The following KDM5C variants were observed in gnomAD, a reference collection of about 807,000 sequenced individuals.
KDM5C encodes the protein lysine demethylase 5C.
Under a neutral mutation model 110.6 loss-of-function variants are expected in KDM5C, and 16 were observed. The ratio of observed to expected loss-of-function variants is 0.14; its 90% CI spans 0.10 to 0.22. The LOEUF (loss-of-function observed/expected upper bound fraction) is 0.22. KDM5C is among the 10% of genes least tolerant of loss of function. The pLI, the probability that KDM5C is intolerant of heterozygous loss-of-function variation, is 1.00. For synonymous variants in KDM5C, 511 were observed against 520.4 expected (o/e 0.98, Z 0.24); for missense variants, 681 against 1,300.9 (o/e 0.52, Z 7.33).
chrX:53,188,398 C>T (rs1416787703), downstream of KDM5C, among the ~76,000 whole-genome samples: 1 of 105,129 alleles, frequency 9.5e-6, no homozygotes, highest in African/African-American at 3.5e-5. Flanking sequence ...TTTTTTGAGA[C>T]GGAGTTTGCA....
downstream of KDM5C, among the ~76,000 whole-genome samples, chrX:53,187,206 C>G (rs1294943269): frequency 9.0e-6 from 1 of 110,793 alleles, no homozygotes; most frequent in Non-Finnish European, 1.9e-5. Flanking sequence ...GCCAACAGAA[C>G]AGTAACCCAA....
intron 12 of KDM5C, among the ~76,000 whole-genome samples, chrX:53,206,373 A>G (rs1413602809): frequency 8.9e-6 from 1 of 111,836 alleles, no homozygotes; most frequent in Non-Finnish European, 1.9e-5. Flanking sequence ...GAAATGTTCT[A>G]CAACTGGATT....
rs1556840043 is a variant in KDM5C, at chrX:53,198,817, G to T, written c.2315C>A (p.Thr772Asn). Residue 772 changes from threonine to asparagine, a missense_variant, in exon 16 of 26, where the codon ACC becomes AAC. Thr to Asn is a moderately conservative substitution (Grantham distance 65). Transcript: ENST00000375401. ...GGCCACTCGCACTTTGTTGGCCCAGGTGTCAAAGGACTCAGCCCGAACCTT... is the reference window on the plus strand; with the variant it reads ...GGCCACTCGCACTTTGTTGGCCCAGTTGTCAAAGGACTCAGCCCGAACCTT... ...KLKVRAESFD[T>N]WANKVRVALE... is the part of the protein sequence containing the mutation. 24 of 1,212,170 alleles carry T rather than the reference G, an allele frequency of 2.0e-5. No individual in the cohort carries two copies. The highest frequency in any genetic ancestry group is 1.8e-4 in the South Asian group (10 of 57,035).
At chrX:53,221,547 C>T (rs2073897895) in intron 1 of KDM5C, 2 of 309,974 alleles carry the variant, frequency 6.5e-6, no homozygotes, top group Admixed American at 7.0e-5. Context: ...CCTCACAATA[C>T]ACATGCAGGG....
chrX:53,220,748 A>G (rs2073872464), intron 2 of KDM5C, 91 bp downstream of exon 2: 2 of 746,099 alleles, frequency 2.7e-6, no homozygotes, highest in African/African-American at 4.1e-5. Context: ...AGCTAGGTAA[A>G]GTACCTCAGC....
rs782760089 is a variant in KDM5C at position 53,201,532 on chromosome X, C to G, written c.2061+18G>C. 1.7e-6 allele frequency: 2 copies of G among 1,203,514 alleles called. No individual in the cohort carries two copies. Reference sequence around the variant, plus strand: ...CTTCCACCAGAATAGGGTGCTTGATCTGGGGTACTCTCCCCACCTTCTCCA... The same window carrying G: ...CTTCCACCAGAATAGGGTGCTTGATGTGGGGTACTCTCCCCACCTTCTCCA... On this transcript the variant is annotated intron_variant, in intron 14 of 25. Transcript: ENST00000375401.
chrX:53,178,511 G>T (rs1416040768), intron 25 of KDM5C, among the ~76,000 whole-genome samples: 2 of 111,817 alleles, frequency 1.8e-5, no homozygotes, highest in African/African-American at 6.5e-5. Context: ...TTTTTAAAAG[G>T]CAAGATCATG....
At position 53,196,130 on chromosome X, in the gene KDM5C, T is replaced by C. The variant is rs1230980522; in HGVS notation, c.2982-76A>G. 20 of 1,089,972 alleles carry C rather than the reference T, an allele frequency of 1.8e-5. No homozygotes were observed. The East Asian group carries it at 3.1e-4, about 17-fold the overall frequency. The allele number at this position is 1,089,972 out of a possible 1,213,427, so 89.8% of individuals were successfully genotyped here. A position where few individuals can be genotyped will look rare whatever the true frequency, so the allele number is the denominator to read the frequency against. ...AGAAGCCCAGCCTGACCACCAGATA[T>C]ATCTGCATGGGCCCCTTGGGTGTCT... On this transcript the variant is annotated intron_variant, in intron 19 of 25. Transcript: ENST00000375401.
intron 2 of KDM5C, among the ~76,000 whole-genome samples, chrX:53,219,464 A>G (rs938521086): frequency 2.7e-5 from 3 of 112,132 alleles, no homozygotes; most frequent in South Asian, 3.7e-4. Context: ...CCAGGACCCA[A>G]TGTGGGCCAA....
intron 8 of KDM5C, among the ~76,000 whole-genome samples, chrX:53,212,984 G>A (rs1307446706): frequency 4.5e-5 from 5 of 111,355 alleles, no homozygotes; most frequent in Non-Finnish European, 5.7e-5. Context: ...CTGGGTGACA[G>A]AGCAAGATTC....
chrX:53,214,616 C>T (rs2073687593), intron 8 of KDM5C, 73 bp downstream of exon 8: 12 of 1,100,183 alleles, frequency 1.1e-5, no homozygotes, highest in Non-Finnish European at 1.5e-5. Context: ...AGCTAAGAGG[C>T]TGCCCTCAAT....
intron 7 of KDM5C, chrX:53,215,274 G>A (rs1556851203): frequency 1.2e-5 from 4 of 333,460 alleles, no homozygotes; most frequent in Non-Finnish European, 2.3e-5. Context: ...CATTGAAAAG[G>A]TAACACCTGA....
chrX:53,197,677 G>C, intron 18 of KDM5C, 94 bp downstream of exon 18: 2 of 710,025 alleles, frequency 2.8e-6, no homozygotes, highest in Middle Eastern at 4.1e-4. Context: ...TGTCTTGCCT[G>C]AACACTTTAA....
At chrX:53,207,179 A>AAT (rs1556845921) in intron 12 of KDM5C, among the ~76,000 whole-genome samples, 1 of 9,136 alleles carries the variant, frequency 1.1e-4, no homozygotes. Context: ...CTCCTTCTCC[A>AAT]AAAAAAAAAA....
chrX:53,184,450 T>C (rs1248769155), intron 25 of KDM5C, among the ~76,000 whole-genome samples: 1 of 110,867 alleles, frequency 9.0e-6, no homozygotes, highest in Non-Finnish European at 1.9e-5. Context: ...CTATGTTGCC[T>C]AAGCTGGTCT....
At chrX:53,196,099 C>T (rs1934830937) in intron 19 of KDM5C, 45 bp from the exon 20 acceptor site, 1 of 1,199,479 alleles carries the variant, frequency 8.3e-7, no homozygotes, top group South Asian at 1.8e-5. Context: ...TGTGGTCTGC[C>T]TGACCAGAAG....
chrX:53,188,851 G>A (rs906822919), downstream of KDM5C, among the ~76,000 whole-genome samples: 1 of 111,472 alleles, frequency 9.0e-6, no homozygotes, highest in East Asian at 2.8e-4. Context: ...GCCACCCTAT[G>A]AAAGGGTGCA....
At position 53,193,472 on chromosome X, in the gene KDM5C, G is replaced by T; in HGVS notation, c.4282C>A (p.Pro1428Thr). 8.3e-7 allele frequency: 1 copy of T among 1,211,820 alleles called. No individual in the cohort carries two copies. Among genetic ancestry groups the T allele is most frequent in the African/African-American group, 1.7e-5 (1 of 57,790 alleles). The change falls in exon 25 of 26, where the codon CCC (proline) becomes ACC (threonine). Residue 1428 changes from proline to threonine, a missense_variant. Around this residue, in one of 14 missense-constraint regions of KDM5C, gnomAD observed 3 missense variants for 16.4 expected, o/e 0.18. Coordinates refer to ENST00000375401, the MANE Select transcript of KDM5C (RefSeq NM_004187.5). ...SIWQLLQAGQ[P>T]PDLERIRTLL... ...GTGCGGATCCTCTCCAGGTCTGGGGGCTGTCCAGCCTGCAGCAGCTGCCAT... is the reference window on the plus strand; with the variant it reads ...GTGCGGATCCTCTCCAGGTCTGGGGTCTGTCCAGCCTGCAGCAGCTGCCAT...
chrX:53,192,861 A>ACCCCCCCCCCCCCCCCCCCCC lies in KDM5C; in HGVS notation c.*105_*106insGGGGGGGGGGGGGGGGGGGGG. 8.0e-6 allele frequency: 4 copies of ACCCCCCCCCCCCCCCCCCCCC among 502,002 alleles called. No homozygotes were observed. Among genetic ancestry groups the ACCCCCCCCCCCCCCCCCCCCC allele is most frequent in the Non-Finnish European group, 1.2e-5 (4 of 347,650 alleles). The allele number at this position is 502,002 out of a possible 1,213,427, so 41.4% of individuals were successfully genotyped here. On this transcript the variant is annotated 3_prime_UTR_variant, in exon 26 of 26. Coordinates refer to ENST00000375401, the MANE Select transcript of KDM5C (RefSeq NM_004187.5). The stretch of plus-strand genomic sequence containing the variant: ...GGGTGGGCGGGTAGCAGGGATGGCC[A>ACCCCCCCCCCCCCCCCCCCCC]CCCCCCTACCCGCCCACCCCCCAAG...
Sources: gnomAD v4.1 joint callset for allele counts (sites outside exome capture counted in the v4.1 genomes callset) on GRCh38, gnomAD v4.1.1 for gene constraint, gnomAD v4.1.1 regional missense constraint, MANE v1.5 for transcripts, NCBI Gene and HGNC (gene_info 2026-07-23, HGNC 2026-07-21) for gene names.